Variants in FOXN3 observed in about 807,000 individuals in gnomAD.
FOXN3 encodes forkhead box protein N3.
FOXN3 carries 7 observed loss-of-function variants against 38.4 expected under a neutral mutation model. The ratio of observed to expected loss-of-function variants is 0.18; its 90% confidence interval spans 0.10 to 0.34. The LOEUF is 0.34. FOXN3 is among the 10% of genes least tolerant of loss of function. The pLI, the probability that FOXN3 is intolerant of heterozygous loss-of-function variation, is 1.00. For synonymous variants in FOXN3, 230 were observed against 242.2 expected (o/e 0.95, Z 0.47); for missense variants, 456 against 613.4 (o/e 0.74, Z 2.71).
chr14:89,448,188 A>G (rs1892547015), intron 1 of FOXN3, among the ~76,000 whole-genome samples: 1 of 152,192 alleles, frequency 6.6e-6, no homozygotes, highest in African/African-American at 2.4e-5. Context: ...TGTTTCTTAG[A>G]AAAAGTTGGG....
At chr14:89,474,410 A>AG (rs1277810241) in intron 1 of FOXN3, among the ~76,000 whole-genome samples, 2 of 152,214 alleles carry the variant, frequency 1.3e-5, no homozygotes, top group Admixed American at 1.3e-4. Flanking sequence ...CAAGGTGCCG[A>AG]GGGCCAGTCT....
At chr14:89,259,941 T>C (rs1885743745) in intron 4 of FOXN3, among the ~76,000 whole-genome samples, 1 of 152,234 alleles carries the variant, frequency 6.6e-6, no homozygotes, top group Admixed American at 6.5e-5. Flanking sequence ...GTTCTGAATC[T>C]ACTCTCAACC....
intron 1 of FOXN3, among the ~76,000 whole-genome samples, chr14:89,458,474 G>A (rs1012277431): frequency 6.6e-6 from 1 of 152,182 alleles, no homozygotes; most frequent in Non-Finnish European, 1.5e-5. Flanking sequence ...GTAATCCATG[G>A]ACGCCAACGG....
At chr14:89,313,035 C>T (rs1239286310) in intron 3 of FOXN3, among the ~76,000 whole-genome samples, 1 of 152,168 alleles carries the variant, frequency 6.6e-6, no homozygotes, top group Non-Finnish European at 1.5e-5. Flanking sequence ...AGTCCCTCAG[C>T]AAATCACTCA....
intron 1 of FOXN3, among the ~76,000 whole-genome samples, chr14:89,442,585 G>A (rs34578645): frequency 0.32 from 49,267 of 152,044 alleles, 8,321 homozygotes; most frequent in East Asian, 0.56. Flanking sequence ...GTGAGAGACT[G>A]ATGGATGTGC....
chr14:89,276,464 G>A (rs1886303765), intron 4 of FOXN3, among the ~76,000 whole-genome samples: 1 of 152,258 alleles, frequency 6.6e-6, no homozygotes, highest in Non-Finnish European at 1.5e-5. Context: ...GGTGTCAAGT[G>A]AGTCACTGGA....
Position 89,341,892 on chromosome 14 carries a change from C to T in FOXN3, c.680+8780G>A, listed in dbSNP as rs74078102. On this transcript the variant is annotated intron_variant, in intron 3 of 5. Coordinates refer to ENST00000557258, the MANE Select transcript of FOXN3 (RefSeq NM_005197.4). ...CCCCCTCTAACGATGCCTAAGGCGT[C>T]GCTGTGCTCAGGAATCCTTGGCTGG... Among the ~76,000 whole-genome samples the T allele has an allele frequency of 8.3e-3, 1,257 of 152,272 alleles. 15 individuals carry two copies. The highest frequency in any genetic ancestry group is 0.029 in the African/African-American group (1,213 of 41,550).
At position 89,339,435 on chromosome 14, in the gene FOXN3, C is replaced by T. The variant is rs188547370; in HGVS notation, c.680+11237G>A. Among the ~76,000 whole-genome samples, 8 of 152,296 alleles carry T rather than the reference C, an allele frequency of 5.3e-5. No homozygotes were observed. In the East Asian group the frequency reaches 1.5e-3, roughly 29 times the overall value. On this transcript the variant is annotated intron_variant, in intron 3 of 5. Transcript: ENST00000557258. Reference sequence around the variant, plus strand: ...ACTAAGATCTGCTCTGAGCCTGCTGCGACATTGGCCAACCTGCAGGAGCTG... The same window carrying T: ...ACTAAGATCTGCTCTGAGCCTGCTGTGACATTGGCCAACCTGCAGGAGCTG...
chr14:89,244,674 C>A (rs1384469219), intron 4 of FOXN3, among the ~76,000 whole-genome samples: 1 of 152,222 alleles, frequency 6.6e-6, no homozygotes, highest in Non-Finnish European at 1.5e-5. Context: ...ATTCCCCATA[C>A]TTAACTTGCT....
At chr14:89,286,979 G>A (rs764417383) in intron 3 of FOXN3, among the ~76,000 whole-genome samples, 6 of 152,124 alleles carry the variant, frequency 3.9e-5, no homozygotes, top group Non-Finnish European at 7.3e-5. Flanking sequence ...GAAGTGGAGA[G>A]ACCGTGGGAT....
rs3057950 is a variant in FOXN3, at chr14:89,447,814, CTTTTT to C, written c.-14-35329_-14-35325del. Among the ~76,000 whole-genome samples, 80 of 92,794 alleles carry C rather than the reference CTTTTT, an allele frequency of 8.6e-4. 1 individual carries two copies. The highest frequency in any genetic ancestry group is 3.8e-3 in the Admixed American group (24 of 6,280). The allele number at this position is 92,794 out of a possible 152,430, so 60.9% of individuals were successfully genotyped here. ...CAGTGGTTTCCTGATGCCTTTCTTC[CTTTTT>C]TTTTTTTTTTTTTTTTTGAGACGGA... On this transcript the variant is annotated intron_variant, in intron 1 of 6. Transcript: ENST00000345097.
intron 1 of FOXN3, among the ~76,000 whole-genome samples, chr14:89,514,986 C>G (rs1333370411): frequency 1.3e-5 from 2 of 151,878 alleles, no homozygotes; most frequent in African/African-American, 4.8e-5. Flanking sequence ...GCAGCACAAT[C>G]TCGGCTCATT....
At chr14:89,181,960 C>T (rs893208445) in intron 4 of FOXN3, among the ~76,000 whole-genome samples, 5 of 152,166 alleles carry the variant, frequency 3.3e-5, no homozygotes, top group Admixed American at 6.5e-5. Flanking sequence ...TTCTAAGACC[C>T]TGTCTACCAT....
chr14:89,275,710 A>C (rs2139910148), intron 4 of FOXN3, among the ~76,000 whole-genome samples: 1 of 152,334 alleles, frequency 6.6e-6, no homozygotes, highest in Middle Eastern at 3.4e-3. Flanking sequence ...AAGTTTGGAT[A>C]TGAAGCCAAC....
chr14:89,439,657 C>CTAT (rs1892337500), intron 1 of FOXN3, among the ~76,000 whole-genome samples: 1 of 136,282 alleles, frequency 7.3e-6, no homozygotes, highest in Non-Finnish European at 1.6e-5. Context: ...TCTTTTATTC[C>CTAT]TTTTTTTTTT....
At chr14:89,541,978 C>A (rs1348633873) in intron 1 of FOXN3, among the ~76,000 whole-genome samples, 1 of 152,082 alleles carries the variant, frequency 6.6e-6, no homozygotes, top group Non-Finnish European at 1.5e-5. Context: ...CCGATCCAGA[C>A]CCCAAGAGAG....
chr14:89,421,315 AAT>A (rs1891901157), upstream of FOXN3, among the ~76,000 whole-genome samples: 1 of 151,092 alleles, frequency 6.6e-6, no homozygotes, highest in African/African-American at 2.4e-5. Flanking sequence ...ACACCTGGCT[AAT>A]TTTGTATTTT....
Position 89,556,826 on chromosome 14 carries a change from G to A in FOXN3, c.-15+62202C>T, listed in dbSNP as rs1194242089. ...CCAGAGAAGGGCTGTGGAATGGAAAGTGCCCTGCTGATTTGGGAAAGGGAT... is the reference window on the plus strand; with the variant it reads ...CCAGAGAAGGGCTGTGGAATGGAAAATGCCCTGCTGATTTGGGAAAGGGAT... On this transcript the variant is annotated intron_variant, in intron 1 of 6. Coordinates refer to the FOXN3 transcript ENST00000345097. Among the ~76,000 whole-genome samples, 28 of 152,228 alleles carry A rather than the reference G, an allele frequency of 1.8e-4. 1 individual carries two copies.
At chr14:89,192,484 CAT>C (rs1887981594) in intron 4 of FOXN3, among the ~76,000 whole-genome samples, 1 of 139,984 alleles carries the variant, frequency 7.1e-6, no homozygotes, top group Non-Finnish European at 1.5e-5. Context: ...TATACTATTA[CAT>C]ATAATAGTTA....
Sources: allele counts gnomAD v4.1 joint callset (sites outside exome capture counted in the v4.1 genomes callset), GRCh38; gene constraint gnomAD v4.1.1; transcripts MANE v1.5; gene names NCBI Gene and HGNC (gene_info 2026-07-23, HGNC 2026-07-21).